KIAA1217: variants seen among roughly 807,000 people sequenced by gnomAD.
KIAA1217 encodes sickle tail protein homolog.
KIAA1217 carries 88 observed loss-of-function variants against 163.9 expected under a neutral mutation model. The ratio of observed to expected loss-of-function variants is 0.54; its 90% CI spans 0.45 to 0.64. The LOEUF is 0.64. Among genes scored for constraint, KIAA1217 ranks in the 30% least tolerant of loss-of-function variants. The pLI is 0.00. For missense variants in KIAA1217, 2,372 were observed against 2,475.0 expected (o/e 0.96, Z 0.88); for synonymous variants, 903 against 923.1 (o/e 0.98, Z 0.39).
intron 1 of KIAA1217, among the ~76,000 whole-genome samples, chr10:23,956,881 C>T (rs1036489860): frequency 1.4e-4 from 21 of 152,060 alleles, no homozygotes; most frequent in Admixed American, 1.2e-3. Flanking sequence ...AGGATCCATC[C>T]CCATCCCCAA....
At chr10:24,004,658 T>C (rs1589222321) in intron 1 of KIAA1217, among the ~76,000 whole-genome samples, 1 of 152,254 alleles carries the variant, frequency 6.6e-6, no homozygotes, top group African/African-American at 2.4e-5. Context: ...TGTATTTTCA[T>C]GTCCTGTTGC....
intron 1 of KIAA1217, among the ~76,000 whole-genome samples, chr10:23,862,303 A>G (rs1839991714): frequency 6.6e-6 from 1 of 152,208 alleles, no homozygotes; most frequent in African/African-American, 2.4e-5. Flanking sequence ...TTTAATGCAC[A>G]GATTATAAAT....
At chr10:24,006,927 T>A (rs1394606866) in intron 1 of KIAA1217, among the ~76,000 whole-genome samples, 6 of 152,192 alleles carry the variant, frequency 3.9e-5, no homozygotes, top group Admixed American at 3.9e-4. Context: ...CGCCCCCAAC[T>A]ACCTAAGCCA....
chr10:24,328,704 T>C (rs2045268359), intron 2 of KIAA1217, among the ~76,000 whole-genome samples: 1 of 152,112 alleles, frequency 6.6e-6, no homozygotes, highest in South Asian at 2.1e-4. Flanking sequence ...ACAAACAATG[T>C]AATTAATATA....
chr10:24,101,183 T>C (rs975325697), intron 2 of KIAA1217, among the ~76,000 whole-genome samples: 1 of 152,202 alleles, frequency 6.6e-6, no homozygotes, highest in Non-Finnish European at 1.5e-5. Context: ...CAGCCATGGC[T>C]TGATGAAGAA....
At chr10:23,968,683 A>G (rs1230060871) in intron 1 of KIAA1217, among the ~76,000 whole-genome samples, 4 of 152,102 alleles carry the variant, frequency 2.6e-5, no homozygotes, top group Non-Finnish European at 5.9e-5. Context: ...GTCTCTGTAT[A>G]TTTGCCTCTT....
intron 2 of KIAA1217, among the ~76,000 whole-genome samples, chr10:24,090,332 CTTTTTTTTTTTTTTTTTT>C (rs35966270): frequency 1.7e-5 from 1 of 58,944 alleles, no homozygotes; most frequent in Non-Finnish European, 2.9e-5. Flanking sequence ...ACATCCTGCT[CTTTTTTTTTTTTTTTTTT>C]TTTTTTTTTT....
At chr10:24,259,014 C>A (rs550153685) in intron 2 of KIAA1217, among the ~76,000 whole-genome samples, 1 of 152,062 alleles carries the variant, frequency 6.6e-6, no homozygotes, top group Admixed American at 6.6e-5. Context: ...CCGTGGAAGA[C>A]GAGCCACTGG....
chr10:24,302,203 C>T (rs537670330), intron 2 of KIAA1217, among the ~76,000 whole-genome samples: 4 of 152,330 alleles, frequency 2.6e-5, no homozygotes, highest in African/African-American at 9.6e-5. Flanking sequence ...GCACCCTCCA[C>T]CTAGCAACCT....
At chr10:24,031,500 A>G (rs1241107716) in intron 2 of KIAA1217, among the ~76,000 whole-genome samples, 1 of 152,104 alleles carries the variant, frequency 6.6e-6, no homozygotes, top group Non-Finnish European at 1.5e-5. Context: ...GGGTTTCACC[A>G]TGTTGCCCAG....
chr10:23,988,133 C>T (rs369506941), intron 1 of KIAA1217, among the ~76,000 whole-genome samples: 6 of 152,124 alleles, frequency 3.9e-5, no homozygotes, highest in African/African-American at 7.2e-5. Context: ...TGCCATCTGT[C>T]GCAGGGGCTA....
chr10:24,256,860 T>C (rs1279466524), intron 2 of KIAA1217, among the ~76,000 whole-genome samples: 1 of 152,196 alleles, frequency 6.6e-6, no homozygotes. Context: ...ATGGAATATC[T>C]GGTCAACAGA....
At chr10:23,903,875 A>G (rs1321134224) in intron 1 of KIAA1217, among the ~76,000 whole-genome samples, 1 of 152,146 alleles carries the variant, frequency 6.6e-6, no homozygotes, top group African/African-American at 2.4e-5. Context: ...TGAAAAAGAA[A>G]TGATTTCATA....
intron 1 of KIAA1217, among the ~76,000 whole-genome samples, chr10:23,988,907 C>G (rs1387654305): frequency 1.3e-5 from 2 of 152,140 alleles, no homozygotes; most frequent in Non-Finnish European, 2.9e-5. Context: ...CAGACTCTTA[C>G]CATATGGAAA....
chr10:23,934,337 C>T (rs1475665549), intron 1 of KIAA1217, among the ~76,000 whole-genome samples: 2 of 150,196 alleles, frequency 1.3e-5, no homozygotes, highest in Middle Eastern at 3.4e-3. Flanking sequence ...ACATTGAGAA[C>T]ACACGGACAG....
At chr10:23,929,591 G>C (rs1375739965) in intron 1 of KIAA1217, among the ~76,000 whole-genome samples, 1 of 152,150 alleles carries the variant, frequency 6.6e-6, no homozygotes, top group Admixed American at 6.6e-5. Flanking sequence ...GTGTTAATTT[G>C]CTTAAGATAA....
rs2069329812 is a variant in KIAA1217, at chr10:24,219,789, A to G, written c.234A>G (p.Ile78Met). The change falls in exon 2 of 21, where the codon ATA becomes ATG. Residue 78 changes from isoleucine (I) to methionine (M), a missense_variant. Coordinates refer to ENST00000376454, the MANE Select transcript of KIAA1217 (RefSeq NM_019590.5). ...TLGGPRSSKEILGMQTSEMDR... is the reference protein window; with the variant it reads ...TLGGPRSSKEMLGMQTSEMDR... ...GGGGGCCCCGAAGTTCCAAGGAAAT[A>G]CTGGGAATGCAAACATCTGAGATGG... 2 of 1,614,002 alleles carry G rather than the reference A, an allele frequency of 1.2e-6. No individual in the cohort carries two copies. The highest frequency in any genetic ancestry group is 2.7e-5 in the African/African-American group (2 of 75,048).
In KIAA1217 at chr10:24,544,028, T is replaced by C. The variant is rs775314199; in HGVS notation, c.4758T>C (p.Thr1586=). 6.2e-7 allele frequency: 1 copy of C among 1,614,132 alleles called. No individual in the cohort carries two copies. Among genetic ancestry groups the C allele is most frequent in the Non-Finnish European group, 8.5e-7 (1 of 1,180,036 alleles). Residue 1586 remains threonine (T), a synonymous_variant, in exon 19 of 21, where the codon ACT becomes ACC. Coordinates refer to ENST00000376454, the MANE Select transcript of KIAA1217 (RefSeq NM_019590.5). The part of the protein sequence containing the change: ...KFPKKQLAAL[T]QAIRTGTKTG... ...CTAAGAAGCAACTCGCCGCTCTCAC[T>C]CAAGCCATTCGCACCGGAACTAAAA...
intron 2 of KIAA1217, among the ~76,000 whole-genome samples, chr10:24,011,321 A>C (rs1847228017): frequency 1.3e-5 from 2 of 151,964 alleles, no homozygotes; most frequent in Non-Finnish European, 1.5e-5. Flanking sequence ...CCCCATCTTT[A>C]CAAAAAAATT....
Sources: allele counts gnomAD v4.1 joint callset (sites outside exome capture counted in the v4.1 genomes callset), GRCh38; gene constraint gnomAD v4.1.1; transcripts MANE v1.5; gene names NCBI Gene and HGNC (gene_info 2026-07-23, HGNC 2026-07-21).